The following PDE4D variants were observed in gnomAD, a reference collection of about 807,000 sequenced individuals.
PDE4D encodes phosphodiesterase 4D, also known as 3',5'-cyclic-AMP phosphodiesterase 4D.
Under a neutral mutation model 87.4 loss-of-function variants are expected in PDE4D, and 24 were observed. That is an observed-to-expected ratio of 0.27 (90% CI 0.20 to 0.39). The LOEUF is 0.39. PDE4D is among the 10% of genes least tolerant of loss of function. The pLI is 1.00. For synonymous variants in PDE4D, 384 were observed against 383.2 expected, an observed-to-expected ratio of 1.00 and a Z score of -0.02; for missense variants, 714 against 1,041.0, an observed-to-expected ratio of 0.69 and a Z score of 4.32.
chr5:59,620,324 C>T (rs1830198732), intron 1 of PDE4D, among the ~76,000 whole-genome samples: 1 of 152,136 alleles, frequency 6.6e-6, no homozygotes, highest in Admixed American at 6.5e-5. Context: ...TGGATTAATC[C>T]TGGCTTGTTA....
At chr5:60,019,271 C>A (rs1387931451) in intron 2 of PDE4D, among the ~76,000 whole-genome samples, 3 of 152,160 alleles carry the variant, frequency 2.0e-5, no homozygotes, top group East Asian at 1.9e-4. Flanking sequence ...TCAAGAAGTT[C>A]TTTGAAACCA....
rs551205023 is a variant in PDE4D, at chr5:58,977,183, C to A, written c.1707+8G>T. The A allele has an allele frequency of 2.4e-5, 38 of 1,602,602 alleles. No homozygotes were observed. The South Asian group carries it at 4.0e-4, about 17-fold the overall frequency. ...AGTTCTCTTCTTTGGCTTTTATCAG[C>A]TACTTACGATGTCAATGACCATTTT... On this transcript the variant is annotated splice_region_variant and intron_variant, in intron 12 of 14. Transcript: ENST00000340635.
chr5:60,042,954 T>C (rs1186289759), intron 2 of PDE4D, among the ~76,000 whole-genome samples: 5 of 151,942 alleles, frequency 3.3e-5, no homozygotes, highest in African/African-American at 4.8e-5. Flanking sequence ...ATTTGACAAA[T>C]TGACAGAAGT....
intron 1 of PDE4D, among the ~76,000 whole-genome samples, chr5:59,281,733 A>G (rs909266382): frequency 2.0e-5 from 3 of 152,098 alleles, no homozygotes; most frequent in African/African-American, 7.2e-5. Context: ...CTCTTCTCCC[A>G]GCCCCTGACA....
intron 5 of PDE4D, among the ~76,000 whole-genome samples, chr5:59,043,416 G>A (rs1220765492): frequency 2.0e-5 from 3 of 152,040 alleles, no homozygotes; most frequent in Non-Finnish European, 4.4e-5. Flanking sequence ...CCAGCTACTC[G>A]GGAGGCTGAG....
chr5:59,656,573 A>T (rs1744396607), intron 1 of PDE4D, among the ~76,000 whole-genome samples: 1 of 152,152 alleles, frequency 6.6e-6, no homozygotes, highest in African/African-American at 2.4e-5. Flanking sequence ...CCCTATCTCA[A>T]ATCTAAACCA....
At chr5:60,031,336 T>C (rs1360550200) in intron 2 of PDE4D, among the ~76,000 whole-genome samples, 1 of 152,212 alleles carries the variant, frequency 6.6e-6, no homozygotes, top group Non-Finnish European at 1.5e-5. Context: ...AAATTAAACA[T>C]GACAAAGGCT....
At chr5:60,385,341 A>T (rs1490390808) in intron 1 of PDE4D, among the ~76,000 whole-genome samples, 1 of 152,196 alleles carries the variant, frequency 6.6e-6, no homozygotes, top group African/African-American at 2.4e-5. Context: ...ATTATACAAA[A>T]CCTGCTGCAG....
chr5:59,241,475 A>G (rs2153522658), intron 1 of PDE4D, among the ~76,000 whole-genome samples: 1 of 152,350 alleles, frequency 6.6e-6, no homozygotes, highest in South Asian at 2.1e-4. Context: ...TATTCTTTAC[A>G]AAGTTCTAGG....
At chr5:59,301,821 A>G (rs1770312544) in intron 1 of PDE4D, among the ~76,000 whole-genome samples, 1 of 152,078 alleles carries the variant, frequency 6.6e-6, no homozygotes, top group South Asian at 2.1e-4. Flanking sequence ...CTGTCATGCA[A>G]TTGTCAGGGG....
intron 1 of PDE4D, among the ~76,000 whole-genome samples, chr5:59,317,660 A>T (rs937544420): frequency 6.6e-6 from 1 of 152,156 alleles, no homozygotes; most frequent in Non-Finnish European, 1.5e-5. Flanking sequence ...CTTGCCAGGC[A>T]CACAGTGAAC....
chr5:59,632,311 C>T (rs1307829708), intron 1 of PDE4D, among the ~76,000 whole-genome samples: 1 of 152,174 alleles, frequency 6.6e-6, no homozygotes, highest in Non-Finnish European at 1.5e-5. Flanking sequence ...TGGCTTTGGG[C>T]ACAGCTTCAG....
chr5:60,335,439 T>C (rs1757672270), intron 1 of PDE4D, among the ~76,000 whole-genome samples: 2 of 152,178 alleles, frequency 1.3e-5, no homozygotes, highest in Admixed American at 6.5e-5. Flanking sequence ...TCTCTCCTGA[T>C]GGTTACTTTT....
intron 1 of PDE4D, among the ~76,000 whole-genome samples, chr5:60,443,634 GT>G (rs1207457813): frequency 1.3e-5 from 2 of 152,234 alleles, no homozygotes; most frequent in Admixed American, 6.5e-5. Context: ...GACACCACAG[GT>G]AATGCGATAA....
intron 1 of PDE4D, among the ~76,000 whole-genome samples, chr5:60,281,169 A>T (rs1289636706): frequency 6.6e-6 from 1 of 152,092 alleles, no homozygotes; most frequent in South Asian, 2.1e-4. Flanking sequence ...TACTTTCTCC[A>T]TACATACAAG....
intron 1 of PDE4D, among the ~76,000 whole-genome samples, chr5:59,788,217 T>C (rs1765379540): frequency 6.6e-6 from 1 of 152,110 alleles, no homozygotes; most frequent in South Asian, 2.1e-4. Context: ...CATGGTACAG[T>C]GTCATTTCAA....
chr5:59,432,277 T>C (rs147263475), intron 1 of PDE4D, among the ~76,000 whole-genome samples: 1 of 136,648 alleles, frequency 7.3e-6, no homozygotes, highest in African/African-American at 3.0e-5. Context: ...TAATATTAAG[T>C]CAATCATGAA....
At chr5:59,190,567 A>T (rs771733691) in intron 3 of PDE4D, among the ~76,000 whole-genome samples, 16 of 152,210 alleles carry the variant, frequency 1.1e-4, no homozygotes, top group Non-Finnish European at 2.2e-4. Flanking sequence ...AGGACAAATT[A>T]GATTGGTATC....
chr5:59,772,734 C>G (rs963193472), intron 1 of PDE4D, among the ~76,000 whole-genome samples: 6 of 152,250 alleles, frequency 3.9e-5, no homozygotes, highest in South Asian at 4.1e-4. Context: ...AAACTATGTT[C>G]TAATTAGATA....
Sources: allele counts gnomAD v4.1 joint callset (sites outside exome capture counted in the v4.1 genomes callset), GRCh38; gene constraint gnomAD v4.1.1; transcripts MANE v1.5; gene names NCBI Gene and HGNC (gene_info 2026-07-23, HGNC 2026-07-21).